Variants in MACROD2 observed in about 807,000 individuals in gnomAD.
MACROD2 encodes the protein ADP-ribose glycohydrolase MACROD2.
A neutral mutation model predicts 70.4 loss-of-function variants in MACROD2; 36 were observed. The observed-to-expected ratio is 0.51, with a 90% CI of 0.39 to 0.68. The LOEUF (loss-of-function observed/expected upper bound fraction) is 0.68, where lower values mean the gene tolerates loss of function less well. MACROD2 is among the 30% of genes least tolerant of loss of function. The pLI is 0.00. For missense variants in MACROD2, 496 were observed against 538.4 expected, an observed-to-expected ratio of 0.92 and a Z score of 0.78; for synonymous variants, 172 against 178.8, an observed-to-expected ratio of 0.96 and a Z score of 0.30.
chr20:14,210,676 A>G (rs1050269044), intron 3 of MACROD2, among the ~76,000 whole-genome samples: 2 of 152,244 alleles, frequency 1.3e-5, no homozygotes, highest in African/African-American at 4.8e-5. Flanking sequence ...ATTCACATTC[A>G]GGTTTATTTT....
chr20:14,209,188 T>C (rs1205869217), intron 3 of MACROD2, among the ~76,000 whole-genome samples: 2 of 152,242 alleles, frequency 1.3e-5, no homozygotes, highest in Non-Finnish European at 2.9e-5. Flanking sequence ...TCCCAAATTA[T>C]AGCTTACTTG....
intron 4 of MACROD2, among the ~76,000 whole-genome samples, chr20:14,614,478 C>A (rs1190369075): frequency 1.3e-5 from 2 of 152,038 alleles, no homozygotes; most frequent in African/African-American, 4.8e-5. Flanking sequence ...TGAGGTGATT[C>A]CAGTGAGCAG....
intron 4 of MACROD2, among the ~76,000 whole-genome samples, chr20:14,671,567 T>G (rs1272918118): frequency 1.3e-5 from 2 of 152,152 alleles, no homozygotes; most frequent in African/African-American, 4.8e-5. Context: ...AGTCCCTACG[T>G]TTTTGGATTT....
chr20:13,999,035 A>C (rs2052699242), intron 1 of MACROD2, among the ~76,000 whole-genome samples: 1 of 151,474 alleles, frequency 6.6e-6, no homozygotes, highest in African/African-American at 2.4e-5. Context: ...GCATAGTCTC[A>C]TTGGTCTGTT....
intron 8 of MACROD2, among the ~76,000 whole-genome samples, chr20:15,535,071 A>G (rs12373862): frequency 0.035 from 5,386 of 152,170 alleles, 153 homozygotes; most frequent in East Asian, 0.15. Flanking sequence ...CAACTCCTGG[A>G]TTCAAGTGAT....
At chr20:15,570,141 T>C (rs749055461) in intron 8 of MACROD2, among the ~76,000 whole-genome samples, 5 of 152,212 alleles carry the variant, frequency 3.3e-5, no homozygotes, top group Admixed American at 6.6e-5. Flanking sequence ...GCTGTATTAA[T>C]GTACATTTCC....
chr20:14,816,949 G>A (rs1175497861), intron 5 of MACROD2, among the ~76,000 whole-genome samples: 1 of 151,988 alleles, frequency 6.6e-6, no homozygotes, highest in Non-Finnish European at 1.5e-5. Flanking sequence ...AACTACTCAC[G>A]TAAATAAAAT....
intron 5 of MACROD2, among the ~76,000 whole-genome samples, chr20:14,840,538 C>T (rs1041456869): frequency 6.6e-6 from 1 of 152,046 alleles, no homozygotes; most frequent in Non-Finnish European, 1.5e-5. Context: ...TGCCCAGTCT[C>T]CTGGTGTTCT....
intron 15 of MACROD2, among the ~76,000 whole-genome samples, chr20:15,997,371 A>G (rs1367345291): frequency 1.3e-5 from 2 of 151,960 alleles, no homozygotes; most frequent in African/African-American, 2.4e-5. Flanking sequence ...GTCTTATTCA[A>G]TTTTCCCATC....
At chr20:14,865,759 C>T (rs749576433) in intron 5 of MACROD2, among the ~76,000 whole-genome samples, 6 of 152,066 alleles carry the variant, frequency 3.9e-5, no homozygotes, top group Non-Finnish European at 8.8e-5. Flanking sequence ...TTATTGCTCA[C>T]CTGAAATAAA....
chr20:15,532,834 T>C (rs1217137520), intron 8 of MACROD2, among the ~76,000 whole-genome samples: 1 of 151,978 alleles, frequency 6.6e-6, no homozygotes, highest in African/African-American at 2.4e-5. Context: ...AGTATCTTAG[T>C]CTCCTAGGAT....
At chr20:14,065,337 A>G (rs1377867040) in intron 2 of MACROD2, among the ~76,000 whole-genome samples, 1 of 152,130 alleles carries the variant, frequency 6.6e-6, no homozygotes, top group Non-Finnish European at 1.5e-5. Context: ...GTCCTTAACT[A>G]TATTTGCTCA....
In MACROD2 at chr20:14,602,514, GAAT is replaced by G. The variant is rs1349609492; in HGVS notation, c.302-82327_302-82325del. Among the ~76,000 whole-genome samples, 10 of 152,286 alleles carry G rather than the reference GAAT, an allele frequency of 6.6e-5. No homozygotes were observed. In the South Asian group the frequency reaches 1.2e-3, roughly 19 times the overall value. ...ACTGCTATGTCCTCAGTAACTGGCA[GAAT>G]ACATGACATTTAGAAAGTCAGTCAT... On this transcript the variant is annotated intron_variant, in intron 4 of 17. Coordinates refer to ENST00000684519, the MANE Select transcript of MACROD2 (RefSeq NM_001351661.2).
rs567974882 is a variant in MACROD2 at position 14,192,651 on chromosome 20, CA to C, written c.271+106924del. Reference sequence around the variant, plus strand: ...GAGGTGACATAGTGAAGTGCCCAAACAGGTGGATAATGCAGGCAAAGGAGTC... The same window carrying C: ...GAGGTGACATAGTGAAGTGCCCAAACGGTGGATAATGCAGGCAAAGGAGTC... On this transcript the variant is annotated intron_variant, in intron 3 of 17. Transcript: ENST00000684519. Among the ~76,000 whole-genome samples the C allele has an allele frequency of 3.3e-5, 5 of 152,244 alleles. No individual in the cohort carries two copies. In the South Asian group the frequency reaches 1.0e-3, roughly 32 times the overall value.
intron 5 of MACROD2, among the ~76,000 whole-genome samples, chr20:14,804,036 C>A (rs1338397196): frequency 6.6e-6 from 1 of 151,880 alleles, no homozygotes; most frequent in African/African-American, 2.4e-5. Context: ...AATTATTTAG[C>A]AAAATTGAGT....
At chr20:15,131,597 A>T (rs989462752) in intron 5 of MACROD2, among the ~76,000 whole-genome samples, 1 of 152,102 alleles carries the variant, frequency 6.6e-6, no homozygotes. Context: ...AATATTGTAA[A>T]TTTTGACAAC....
At chr20:15,474,077 A>G (rs568582833) in intron 7 of MACROD2, among the ~76,000 whole-genome samples, 1 of 152,210 alleles carries the variant, frequency 6.6e-6, no homozygotes, top group Non-Finnish European at 1.5e-5. Flanking sequence ...AGAATTAATT[A>G]TGTCTAATCT....
intron 5 of MACROD2, among the ~76,000 whole-genome samples, chr20:14,847,514 G>A (rs943526216): frequency 7.3e-6 from 1 of 137,668 alleles, no homozygotes; most frequent in East Asian, 2.1e-4. Flanking sequence ...TTGATGTTCA[G>A]CAGAGCAGTA....
At chr20:14,353,149 A>G (rs936293707) in intron 3 of MACROD2, among the ~76,000 whole-genome samples, 6 of 152,144 alleles carry the variant, frequency 3.9e-5, no homozygotes, top group Non-Finnish European at 8.8e-5. Flanking sequence ...TAGGGTGTGT[A>G]TGGTCCTCCA....
Sources: allele counts gnomAD v4.1 joint callset (sites outside exome capture counted in the v4.1 genomes callset), GRCh38; gene constraint gnomAD v4.1.1; transcripts MANE v1.5; gene names NCBI Gene and HGNC (gene_info 2026-07-23, HGNC 2026-07-21).